Variants in ATP8A2 observed in about 807,000 individuals in gnomAD.
The protein encoded by ATP8A2 is phospholipid-transporting ATPase IB.
A neutral mutation model predicts 165.6 loss-of-function variants in ATP8A2; 100 were observed. The ratio of observed to expected loss-of-function variants is 0.60; its 90% confidence interval spans 0.51 to 0.71. The LOEUF is 0.71. Among genes scored for constraint, ATP8A2 ranks in the 30% least tolerant of loss-of-function variants. The pLI is 0.00. For synonymous variants in ATP8A2, 543 were observed against 548.8 expected, an observed-to-expected ratio of 0.99 and a Z score of 0.15; for missense variants, 1,227 against 1,479.5, an observed-to-expected ratio of 0.83 and a Z score of 2.80.
At chr13:25,538,921 A>G (rs2038374222) in intron 7 of ATP8A2, among the ~76,000 whole-genome samples, 1 of 152,162 alleles carries the variant, frequency 6.6e-6, no homozygotes, top group Admixed American at 6.6e-5. Flanking sequence ...AGGGGGAAAA[A>G]GAACCAATAA....
chr13:25,534,826 C>T (rs1341398386), intron 6 of ATP8A2, among the ~76,000 whole-genome samples: 1 of 152,206 alleles, frequency 6.6e-6, no homozygotes, highest in Non-Finnish European at 1.5e-5. Flanking sequence ...CACAGAGCTG[C>T]TGGAACCCAG....
At chr13:25,520,179 A>G (rs760424826) in intron 2 of ATP8A2, among the ~76,000 whole-genome samples, 1 of 151,946 alleles carries the variant, frequency 6.6e-6, no homozygotes, top group Non-Finnish European at 1.5e-5. Flanking sequence ...CCTCCGTGCT[A>G]CCCCTCCTAG....
chr13:25,924,832 G>C (rs1049605757), intron 33 of ATP8A2, among the ~76,000 whole-genome samples: 1 of 152,120 alleles, frequency 6.6e-6, no homozygotes. Context: ...TAGTGAATAA[G>C]TCTCACAATA....
intron 27 of ATP8A2, among the ~76,000 whole-genome samples, chr13:25,819,229 T>C (rs2138558911): frequency 6.6e-6 from 1 of 152,266 alleles, no homozygotes; most frequent in Middle Eastern, 3.4e-3. Flanking sequence ...GAAGTGTTAT[T>C]AGTATGTGAT....
chr13:25,917,219 C>A (rs1291433230), intron 33 of ATP8A2, among the ~76,000 whole-genome samples: 1 of 152,226 alleles, frequency 6.6e-6, no homozygotes, highest in Non-Finnish European at 1.5e-5. Context: ...TAGATATCTT[C>A]ATGGATACAG....
At chr13:25,663,042 T>C (rs2042083363) in intron 24 of ATP8A2, among the ~76,000 whole-genome samples, 1 of 152,220 alleles carries the variant, frequency 6.6e-6, no homozygotes, top group Non-Finnish European at 1.5e-5. Flanking sequence ...GGTGATCATC[T>C]CAGGGCACCT....
At chr13:25,563,227 T>C (rs1248444953) in intron 15 of ATP8A2, among the ~76,000 whole-genome samples, 1 of 152,152 alleles carries the variant, frequency 6.6e-6, no homozygotes, top group Non-Finnish European at 1.5e-5. Flanking sequence ...CTGACCGACA[T>C]GGCAAAACCC....
At chr13:26,009,664 G>A (rs1392600333) in intron 35 of ATP8A2, among the ~76,000 whole-genome samples, 1 of 152,160 alleles carries the variant, frequency 6.6e-6, no homozygotes, top group Non-Finnish European at 1.5e-5. Context: ...GCAGGCCTGG[G>A]CCATGGGAGG....
intron 35 of ATP8A2, among the ~76,000 whole-genome samples, chr13:25,990,243 G>A (rs906940670): frequency 1.0e-4 from 15 of 145,200 alleles, no homozygotes; most frequent in Non-Finnish European, 1.5e-5. Flanking sequence ...ACTGTTTTGG[G>A]TGCCAAGCAT....
At chr13:25,477,498 A>ATC (rs2036027991) in intron 2 of ATP8A2, among the ~76,000 whole-genome samples, 1 of 152,240 alleles carries the variant, frequency 6.6e-6, no homozygotes. Context: ...AATCTTGAAT[A>ATC]AAGTCTGTAA....
At chr13:25,675,197 G>A (rs1593177746) in intron 24 of ATP8A2, among the ~76,000 whole-genome samples, 1 of 152,314 alleles carries the variant, frequency 6.6e-6, no homozygotes, top group Middle Eastern at 3.4e-3. Context: ...TGGCAGCAAT[G>A]TTACCTCTAT....
At chr13:25,778,492 C>T (rs2044792581) in intron 27 of ATP8A2, among the ~76,000 whole-genome samples, 2 of 152,184 alleles carry the variant, frequency 1.3e-5, no homozygotes, top group African/African-American at 4.8e-5. Context: ...CTCCATCCTC[C>T]CTGCAGCTGC....
intron 1 of ATP8A2, among the ~76,000 whole-genome samples, chr13:25,436,679 C>A (rs2034786257): frequency 6.6e-6 from 1 of 152,156 alleles, no homozygotes; most frequent in African/African-American, 2.4e-5. Context: ...TGAGAAATCT[C>A]CAAACTGCTT....
chr13:25,988,650 A>G (rs1408258893), intron 35 of ATP8A2, among the ~76,000 whole-genome samples: 2 of 152,144 alleles, frequency 1.3e-5, no homozygotes, highest in Non-Finnish European at 2.9e-5. Flanking sequence ...CTGCTAATTC[A>G]TTCACCCCTT....
chr13:25,385,757 T>C (rs1249093597), intron 1 of ATP8A2, among the ~76,000 whole-genome samples: 2 of 150,688 alleles, frequency 1.3e-5, no homozygotes, highest in Non-Finnish European at 3.0e-5. Context: ...AGTGGTGCAA[T>C]CAGGGCTCAC....
chr13:25,471,435 C>T (rs2035843087), intron 2 of ATP8A2, among the ~76,000 whole-genome samples: 1 of 150,432 alleles, frequency 6.6e-6, no homozygotes, highest in African/African-American at 2.5e-5. Flanking sequence ...ACTGCAACCT[C>T]CGCCTCCTGG....
At chr13:25,445,663 A>G (rs1445576192) in intron 1 of ATP8A2, among the ~76,000 whole-genome samples, 1 of 152,228 alleles carries the variant, frequency 6.6e-6, no homozygotes, top group Non-Finnish European at 1.5e-5. Context: ...TTTGAATTTT[A>G]CAGAGGAGGA....
intron 35 of ATP8A2, among the ~76,000 whole-genome samples, chr13:25,998,558 G>C (rs111321580): frequency 3.4e-3 from 514 of 152,264 alleles, no homozygotes; most frequent in Non-Finnish European, 6.2e-3. Context: ...TGCTAGGTAG[G>C]CTTCTTTGTT....
chr13:25,773,859 T>C (rs1363470377), intron 26 of ATP8A2, among the ~76,000 whole-genome samples: 1 of 152,200 alleles, frequency 6.6e-6, no homozygotes, highest in Non-Finnish European at 1.5e-5. Flanking sequence ...GTGCCTGTTA[T>C]GTGTCTCTGT....
Sources: allele counts gnomAD v4.1 joint callset (sites outside exome capture counted in the v4.1 genomes callset), GRCh38; gene constraint gnomAD v4.1.1; transcripts MANE v1.5; gene names NCBI Gene and HGNC (gene_info 2026-07-23, HGNC 2026-07-21).